Variants in KHDRBS1 observed in about 807,000 individuals in gnomAD.
KHDRBS1 encodes KH RNA binding domain containing, signal transduction associated 1, also known as KH domain-containing, RNA-binding, signal transduction-associated protein 1.
Under a neutral mutation model 48.4 loss-of-function variants are expected in KHDRBS1, and 7 were observed. The observed-to-expected ratio is 0.14, with a 90% CI of 0.08 to 0.27. The LOEUF (loss-of-function observed/expected upper bound fraction) is 0.27. KHDRBS1 is among the 10% of genes least tolerant of loss of function. The probability of loss-of-function intolerance (pLI) is 1.00; values close to 1 mark genes in which losing one functional copy is unlikely to be tolerated. For missense variants in KHDRBS1, 458 were observed against 601.2 expected (o/e 0.76, Z 2.49); for synonymous variants, 241 against 235.8 (o/e 1.02, Z -0.20).
In KHDRBS1 at chr1:32,033,309, A is replaced by G. The variant is rs942855399; in HGVS notation, c.746A>G (p.Glu249Gly). The change falls in exon 4 of 9, where the codon GAG becomes GGG. Residue 249 changes from glutamate to glycine, a missense_variant. Glu to Gly is a moderately conservative substitution (Grantham distance 98). This residue lies in a region of KHDRBS1 where 74 missense variants were observed against 156.9 expected (regional missense o/e 0.47). Coordinates refer to ENST00000327300, the MANE Select transcript of KHDRBS1 (RefSeq NM_006559.3). ...EAYALMAHAM[E>G]EVKKFLVPDM... ...TATGCTCTTATGGCCCATGCCATGG[A>G]GGAAGTCAAGAAATTTCTAGTACCG... 9 of 1,614,174 alleles carry G rather than the reference A, an allele frequency of 5.6e-6. No homozygotes were observed. Among genetic ancestry groups the G allele is most frequent in the Non-Finnish European group, 7.6e-6 (9 of 1,179,984 alleles).
chr1:32,021,415 A>G (rs189440261), intron 1 of KHDRBS1, among the ~76,000 whole-genome samples: 11 of 152,298 alleles, frequency 7.2e-5, no homozygotes, highest in Admixed American at 3.9e-4. Context: ...AAAAAAATAA[A>G]GAACCTATTG....
Position 32,021,842 on chromosome 1 carries a change from G to A in KHDRBS1, c.382+7465G>A, listed in dbSNP as rs914550894. Among the ~76,000 whole-genome samples the A allele has an allele frequency of 2.0e-5, 3 of 152,204 alleles. No individual in the cohort carries two copies. In the East Asian group the frequency reaches 5.8e-4, roughly 29 times the overall value. On this transcript the variant is annotated intron_variant, in intron 1 of 8. Coordinates refer to ENST00000327300, the MANE Select transcript of KHDRBS1 (RefSeq NM_006559.3). Reference sequence around the variant, plus strand: ...AGTTTTGTATTTTTAGTAGAGACAAGGTTTCACTGTGTTGGCCAGGCTGGT... The same window carrying A: ...AGTTTTGTATTTTTAGTAGAGACAAAGTTTCACTGTGTTGGCCAGGCTGGT...
intron 8 of KHDRBS1, among the ~76,000 whole-genome samples, chr1:32,041,030 G>A (rs1303404776): frequency 1.3e-5 from 2 of 152,194 alleles, no homozygotes; most frequent in Non-Finnish European, 2.9e-5. Context: ...GCCTCTGTAT[G>A]TGTTTGACTA....
chr1:32,044,141 GGA>G (rs2124393265), downstream of KHDRBS1, among the ~76,000 whole-genome samples: 1 of 152,246 alleles, frequency 6.6e-6, no homozygotes, highest in South Asian at 2.1e-4. Flanking sequence ...TCTAATTTAT[GGA>G]GAGTTTTCAA....
At chr1:32,015,088 G>A (rs552284494) in intron 1 of KHDRBS1, among the ~76,000 whole-genome samples, 2 of 152,106 alleles carry the variant, frequency 1.3e-5, no homozygotes, top group Non-Finnish European at 2.9e-5. Context: ...GGGACGATAG[G>A]GACTCCCGCG....
At chr1:32,048,905 G>C (rs777745819) in intron 10 of KHDRBS1, among the ~76,000 whole-genome samples, 1 of 151,884 alleles carries the variant, frequency 6.6e-6, no homozygotes, top group Non-Finnish European at 1.5e-5. Context: ...TCTGCTTTCT[G>C]TCTCTAAAGA....
At chr1:32,035,237 G>C (rs1410581361) in intron 4 of KHDRBS1, among the ~76,000 whole-genome samples, 1 of 152,088 alleles carries the variant, frequency 6.6e-6, no homozygotes, top group East Asian at 1.9e-4. Flanking sequence ...TGAAAAAGAT[G>C]CTTGCCGGGG....
At chr1:32,042,492 A>T (rs573494781) in intron 8 of KHDRBS1, 35 bp from the exon 9 acceptor site, 2 of 1,454,300 alleles carry the variant, frequency 1.4e-6, no homozygotes, top group Non-Finnish European at 1.9e-6. Context: ...TGCTGTCGCC[A>T]CATGGTTTAT....
chr1:32,032,427 C>T (rs1159709204), intron 3 of KHDRBS1, among the ~76,000 whole-genome samples: 1 of 152,234 alleles, frequency 6.6e-6, no homozygotes, highest in Non-Finnish European at 1.5e-5. Flanking sequence ...TTTCTTCCCT[C>T]TGTCCTGACT....
At chr1:32,052,781 A>G (rs2124400191) in intron 10 of KHDRBS1, 1 of 152,284 alleles carries the variant, frequency 6.6e-6, no homozygotes, top group Non-Finnish European at 1.5e-5. Flanking sequence ...TCAGACATGC[A>G]TTGACTATTT....
intron 4 of KHDRBS1, 62 bp downstream of exon 4, chr1:32,033,396 G>A: frequency 6.3e-7 from 1 of 1,591,644 alleles, no homozygotes; most frequent in Non-Finnish European, 8.6e-7. Context: ...ATACTGTTGT[G>A]AAGGTAGGGG....
intron 2 of KHDRBS1, among the ~76,000 whole-genome samples, chr1:32,030,819 T>A (rs1639066933): frequency 6.6e-6 from 1 of 151,786 alleles, no homozygotes; most frequent in African/African-American, 2.4e-5. Flanking sequence ...AGTTTACTTT[T>A]AAGTAAATGC....
At position 32,042,609 on chromosome 1, in the gene KHDRBS1, A is replaced by T. The variant is rs376498194; in HGVS notation, c.1317A>T (p.Pro439=). Residue 439 remains proline (P), a synonymous_variant, in exon 9 of 9, where the codon CCA becomes CCT. Coordinates refer to ENST00000327300, the MANE Select transcript of KHDRBS1 (RefSeq NM_006559.3). ...RPVKGAYREH[P]YGRY ...TGAAGGGAGCATACAGAGAGCACCCATATGGACGTTATTAAAAACAAACAT... is the reference window on the plus strand; with the variant it reads ...TGAAGGGAGCATACAGAGAGCACCCTTATGGACGTTATTAAAAACAAACAT... The T allele has an allele frequency of 2.9e-5, 46 of 1,606,506 alleles. No homozygotes were observed. The highest frequency in any genetic ancestry group is 1.6e-4 in the Middle Eastern group (1 of 6,072).
At chr1:32,041,106 T>C (rs1259065946) in intron 8 of KHDRBS1, among the ~76,000 whole-genome samples, 2 of 152,180 alleles carry the variant, frequency 1.3e-5, no homozygotes, top group African/African-American at 4.8e-5. Context: ...TTTGTGCTCC[T>C]GATACGACGT....
chr1:32,044,322 A>C (rs191510211), downstream of KHDRBS1, among the ~76,000 whole-genome samples: 231 of 152,362 alleles, frequency 1.5e-3, 1 homozygote, highest in African/African-American at 5.3e-3. Context: ...TAGGCATGAC[A>C]GTTCAGCCAA....
intron 1 of KHDRBS1, among the ~76,000 whole-genome samples, chr1:32,017,413 A>G (rs1638764159): frequency 6.6e-6 from 1 of 151,680 alleles, no homozygotes. Context: ...GAAATAATTT[A>G]CCTTATTGTG....
chr1:32,041,583 CT>C (rs370173805), intron 8 of KHDRBS1, among the ~76,000 whole-genome samples: 929 of 75,600 alleles, frequency 0.012, 9 homozygotes, highest in African/African-American at 0.04. Context: ...AGGAATTATC[CT>C]TTTTTTTTTT....
At chr1:32,034,328 C>T (rs915886362) in intron 4 of KHDRBS1, among the ~76,000 whole-genome samples, 25 of 151,946 alleles carry the variant, frequency 1.6e-4, no homozygotes, top group African/African-American at 4.4e-4. Context: ...TTTGGGAGGC[C>T]GAGGAGGGCA....
chr1:32,056,208 C>T, intron 10 of KHDRBS1, among the ~76,000 whole-genome samples: 1 of 149,824 alleles, frequency 6.7e-6, no homozygotes, highest in East Asian at 2.0e-4. Context: ...TAGGAGTTCT[C>T]ATGTACACAA....
Sources: allele counts gnomAD v4.1 joint callset (sites outside exome capture counted in the v4.1 genomes callset), GRCh38; gene constraint gnomAD v4.1.1; regional missense constraint gnomAD v4.1.1; transcripts MANE v1.5; gene names NCBI Gene and HGNC (gene_info 2026-07-23, HGNC 2026-07-21).